MAOB: variants seen among roughly 807,000 people sequenced by gnomAD.
The protein encoded by MAOB is amine oxidase [flavin-containing] B.
Under a neutral mutation model 41.9 loss-of-function variants are expected in MAOB, and 15 were observed. The observed-to-expected ratio is 0.36, with a 90% CI of 0.24 to 0.55. MAOB has a LOEUF of 0.55. MAOB is among the 20% of genes least tolerant of loss of function. MAOB has a pLI of 0.86. For synonymous variants in MAOB, 167 were observed against 144.2 expected (o/e 1.16, Z -1.13); for missense variants, 345 against 398.7 (o/e 0.87, Z 1.15).
chrX:43,804,184 A>G (rs1297972136), intron 3 of MAOB, among the ~76,000 whole-genome samples: 2 of 111,777 alleles, frequency 1.8e-5, no homozygotes, highest in East Asian at 5.6e-4. Context: ...GCATCTTTCA[A>G]CGGAATCAGA....
At chrX:43,826,815 A>G (rs1166003201) in intron 3 of MAOB, among the ~76,000 whole-genome samples, 1 of 111,658 alleles carries the variant, frequency 9.0e-6, no homozygotes, top group Non-Finnish European at 1.9e-5. Flanking sequence ...AATTAATGAG[A>G]GCAGAGCCCT....
At chrX:43,767,798 AG>A (rs1178554835) in intron 14 of MAOB, among the ~76,000 whole-genome samples, 180 bp from the exon 15 acceptor site, 1 of 111,688 alleles carries the variant, frequency 9.0e-6, no homozygotes, top group Non-Finnish European at 1.9e-5. Flanking sequence ...TCACTTCCTC[AG>A]GGAGGCTTTC....
chrX:43,855,051 G>C (rs1443649179), intron 1 of MAOB, among the ~76,000 whole-genome samples: 2 of 111,149 alleles, frequency 1.8e-5, no homozygotes, highest in Admixed American at 1.9e-4. Flanking sequence ...CATCCTGCCA[G>C]CTCAGATGCT....
intron 11 of MAOB, among the ~76,000 whole-genome samples, chrX:43,776,266 T>C (rs1422114328): frequency 8.9e-6 from 1 of 112,810 alleles, no homozygotes; most frequent in African/African-American, 3.2e-5. Flanking sequence ...AGAAAACAAG[T>C]GGCCTTCTCT....
At chrX:43,830,933 A>G (rs1469788122) in intron 3 of MAOB, among the ~76,000 whole-genome samples, 2 of 111,488 alleles carry the variant, frequency 1.8e-5, no homozygotes, top group African/African-American at 6.5e-5. Context: ...TTTTCAACAG[A>G]GATATCAAAA....
intron 1 of MAOB, among the ~76,000 whole-genome samples, chrX:43,868,041 A>G (rs910871537): frequency 8.9e-5 from 10 of 112,457 alleles, no homozygotes; most frequent in African/African-American, 3.2e-4. Context: ...TTTAAAATTC[A>G]CTAATGCCTT....
intron 1 of MAOB, among the ~76,000 whole-genome samples, chrX:43,847,494 A>G (rs1165777283): frequency 8.9e-6 from 1 of 112,009 alleles, no homozygotes; most frequent in Non-Finnish European, 1.9e-5. Context: ...CATTTTAAAA[A>G]GAAAAAATGG....
intron 1 of MAOB, among the ~76,000 whole-genome samples, chrX:43,880,949 T>C (rs983653099): frequency 5.3e-5 from 6 of 112,952 alleles, no homozygotes; most frequent in African/African-American, 1.9e-4. Context: ...TGCTTTTAAG[T>C]CCAACTTCCT....
intron 6 of MAOB, among the ~76,000 whole-genome samples, chrX:43,796,306 C>T (rs2034526837): frequency 9.0e-6 from 1 of 111,323 alleles, no homozygotes; most frequent in Non-Finnish European, 1.9e-5. Context: ...GCAGAACTTC[C>T]CTGCCTCCCA....
chrX:43,869,797 G>C (rs980828744), intron 1 of MAOB, among the ~76,000 whole-genome samples: 2 of 111,569 alleles, frequency 1.8e-5, no homozygotes, highest in Non-Finnish European at 3.8e-5. Flanking sequence ...CATATCAAAA[G>C]GTTCATCGTC....
intron 3 of MAOB, among the ~76,000 whole-genome samples, chrX:43,810,050 T>C (rs1368463307): frequency 1.0e-5 from 1 of 98,509 alleles, no homozygotes; most frequent in Admixed American, 1.0e-4. Context: ...GAGACCATCC[T>C]GGCTAACACG....
At chrX:43,861,092 T>C (rs919360053) in intron 1 of MAOB, among the ~76,000 whole-genome samples, 5 of 112,521 alleles carry the variant, frequency 4.4e-5, no homozygotes, top group Admixed American at 1.9e-4. Flanking sequence ...TAATTTATTA[T>C]GTGACTGCCC....
rs771184652 is a variant in MAOB at position 43,882,303 on chromosome X, G to C, written c.-4C>G. On this transcript the variant is annotated 5_prime_UTR_variant, in exon 1 of 15. Transcript: ENST00000378069. ...CCACGTCGCATTTGTTGCTCATGGC[G>C]CTCGCCCCGTTCCAGGCCTCCCTGG... 1.7e-5 allele frequency: 20 copies of C among 1,205,398 alleles called. No individual in the cohort carries two copies. Among genetic ancestry groups the C allele is most frequent in the Non-Finnish European group, 2.2e-5 (20 of 893,152 alleles).
At position 43,780,398 on chromosome X, in the gene MAOB, A is replaced by G; in HGVS notation, c.1026-3T>C. On this transcript the variant is annotated splice_polypyrimidine_tract_variant and splice_region_variant and intron_variant, in intron 9 of 14. Transcript: ENST00000378069. The stretch of plus-strand genomic sequence containing the variant: ...TGGCTTTGTGGGCCAGGATAAATCT[A>G]AAGAATATAAACAAGAAAAAGGGGA... 1 of 1,185,291 alleles carries G rather than the reference A, an allele frequency of 8.4e-7. No homozygotes were observed. Among genetic ancestry groups the G allele is most frequent in the Non-Finnish European group, 1.1e-6 (1 of 872,982 alleles).
chrX:43,847,519 T>C (rs1238731078), intron 1 of MAOB, among the ~76,000 whole-genome samples: 1 of 111,307 alleles, frequency 9.0e-6, no homozygotes, highest in African/African-American at 3.3e-5. Context: ...TTAGAGACAT[T>C]CAGTGACTTA....
At chrX:43,779,690 G>C (rs112515517) in intron 10 of MAOB, among the ~76,000 whole-genome samples, 3,236 of 111,265 alleles carry the variant, frequency 0.029, 143 homozygotes, top group African/African-American at 0.099. Context: ...GGAAGAGGCC[G>C]AGGCAGACCG....
intron 6 of MAOB, 36 bp from the exon 7 acceptor site, chrX:43,795,924 G>C: frequency 5.1e-6 from 6 of 1,186,450 alleles, no homozygotes; most frequent in Non-Finnish European, 6.8e-6. Context: ...AGAAACGCAG[G>C]AATGGGCATA....
intron 3 of MAOB, among the ~76,000 whole-genome samples, chrX:43,813,158 A>G (rs887828918): frequency 8.9e-6 from 1 of 112,258 alleles, no homozygotes; most frequent in African/African-American, 3.2e-5. Flanking sequence ...TCAGACATTC[A>G]AAGACCAATG....
chrX:43,769,044 A>C (rs918075438), intron 13 of MAOB, among the ~76,000 whole-genome samples: 2 of 112,152 alleles, frequency 1.8e-5, no homozygotes, highest in Non-Finnish European at 3.8e-5. Flanking sequence ...CTAGAATATC[A>C]GACCTAGGTT....
Sources: gnomAD v4.1 joint callset for allele counts (sites outside exome capture counted in the v4.1 genomes callset) on GRCh38, gnomAD v4.1.1 for gene constraint, MANE v1.5 for transcripts, NCBI Gene and HGNC (gene_info 2026-07-23, HGNC 2026-07-21) for gene names.